NIBAN2: variants seen among roughly 807,000 people sequenced by gnomAD.
NIBAN2 encodes protein Niban 2.
Under a neutral mutation model 81.8 loss-of-function variants are expected in NIBAN2, and 36 were observed. That is an observed-to-expected ratio of 0.44 (90% CI 0.34 to 0.58). The LOEUF (loss-of-function observed/expected upper bound fraction) is 0.58, where lower values mean the gene tolerates loss of function less well. Among genes scored for constraint, NIBAN2 ranks in the 20% least tolerant of loss-of-function variants. The pLI is 0.02. For missense variants in NIBAN2, 897 were observed against 1,014.1 expected, an observed-to-expected ratio of 0.88 and a Z score of 1.57; for synonymous variants, 445 against 441.6, an observed-to-expected ratio of 1.01 and a Z score of -0.10.
chr9:127,514,370 A>AT (rs768512249), intron 8 of NIBAN2, among the ~76,000 whole-genome samples: 18 of 152,150 alleles, frequency 1.2e-4, no homozygotes, highest in Non-Finnish European at 2.5e-4. Flanking sequence ...TGATGTGACT[A>AT]TTACACATTG....
chr9:127,510,396 A>G, intron 8 of NIBAN2, 63 bp from the exon 9 acceptor site: 1 of 1,308,272 alleles, frequency 7.6e-7, no homozygotes, highest in Non-Finnish European at 1.1e-6. Flanking sequence ...GCCATCCCAG[A>G]GCCCAGGTGC....
At position 127,559,483 on chromosome 9, in the gene NIBAN2, G is replaced by C. The variant is rs1270952213; in HGVS notation, c.55+9337C>G. Among the ~76,000 whole-genome samples, 2 of 152,220 alleles carry C rather than the reference G, an allele frequency of 1.3e-5. No individual in the cohort carries two copies. The highest frequency in any genetic ancestry group is 2.9e-5 in the Non-Finnish European group (2 of 68,032). Reference sequence around the variant, plus strand: ...CCTGCCTCCTAGCCCGCACCCACCAGTGGTTCCTGGCAGGTGGAATAAATC... The same window carrying C: ...CCTGCCTCCTAGCCCGCACCCACCACTGGTTCCTGGCAGGTGGAATAAATC... On this transcript the variant is annotated intron_variant, in intron 1 of 13. Coordinates refer to ENST00000373312, the MANE Select transcript of NIBAN2 (RefSeq NM_022833.4). This position sits in a 1 kb window ranked among gnomAD's most constrained non-coding sequence, Gnocchi z 4.0.
intron 1 of NIBAN2, among the ~76,000 whole-genome samples, chr9:127,565,530 C>T (rs1588191590): frequency 1.3e-5 from 2 of 151,922 alleles, no homozygotes; most frequent in South Asian, 2.1e-4. Flanking sequence ...TGGTGGCTCA[C>T]GCCTATAATC....
intron 1 of NIBAN2, among the ~76,000 whole-genome samples, chr9:127,552,689 T>TTG (rs1554768659): frequency 1.4e-5 from 2 of 138,672 alleles, no homozygotes; most frequent in African/African-American, 2.7e-5. Flanking sequence ...TATTCGTTTT[T>TTG]TTTTTTTTTT....
chr9:127,508,397 C>A lies in NIBAN2; in HGVS notation c.1434+25G>T. ...GGGCTCGGCCTCGCCTAGGACGGTCCGGGGCAGGGCGTGGGGCCGCTCACC... is the reference window on the plus strand; with the variant it reads ...GGGCTCGGCCTCGCCTAGGACGGTCAGGGGCAGGGCGTGGGGCCGCTCACC... On this transcript the variant is annotated intron_variant, in intron 11 of 13. Coordinates refer to ENST00000373312, the MANE Select transcript of NIBAN2 (RefSeq NM_022833.4). This position sits in a 1 kb window ranked among gnomAD's most constrained non-coding sequence, Gnocchi z 6.4. 6.3e-7 allele frequency: 1 copy of A among 1,580,070 alleles called. No individual in the cohort carries two copies. The highest frequency in any genetic ancestry group is 2.2e-5 in the East Asian group (1 of 44,718).
intron 5 of NIBAN2, among the ~76,000 whole-genome samples, chr9:127,521,889 C>T (rs1273785171): frequency 6.6e-6 from 1 of 152,254 alleles, no homozygotes; most frequent in African/African-American, 2.4e-5. Flanking sequence ...CAGACCAGCT[C>T]TTCCCAATCA....
In NIBAN2 at chr9:127,549,397, ACACT is replaced by A. The variant is rs199769880; in HGVS notation, c.56-17623_56-17620del. Among the ~76,000 whole-genome samples the A allele has an allele frequency of 7.1e-3, 1,084 of 151,864 alleles. 16 individuals carry two copies. The highest frequency in any genetic ancestry group is 0.024 in the African/African-American group (998 of 41,368). On this transcript the variant is annotated intron_variant, in intron 1 of 13. Coordinates refer to ENST00000373312, the MANE Select transcript of NIBAN2 (RefSeq NM_022833.4). The stretch of plus-strand genomic sequence containing the variant: ...CATGTGCATGCACATGCACGCACAC[ACACT>A]CACATGCACGCCCACACGCATGCAC...
At chr9:127,562,840 C>T (rs1481219283) in intron 1 of NIBAN2, among the ~76,000 whole-genome samples, 1 of 152,140 alleles carries the variant, frequency 6.6e-6, no homozygotes, top group Non-Finnish European at 1.5e-5. Context: ...CCTCTGTCCT[C>T]AAATGGAATA....
intron 9 of NIBAN2, 32 bp from the exon 10 acceptor site, chr9:127,509,163 G>A (rs1418432172): frequency 6.3e-7 from 1 of 1,579,762 alleles, no homozygotes; most frequent in Admixed American, 1.7e-5. Flanking sequence ...GGGCTGAGCA[G>A]GGCCGCCCTG....
chr9:127,578,939 C>A (rs1838042106), exon 1 of NIBAN2: 1 of 1,610,530 alleles, frequency 6.2e-7, no homozygotes, highest in African/African-American at 1.3e-5. Context: ...CCACCCCATC[C>A]TCCAGAGTGA....
chr9:127,521,752 A>G (rs922813197), intron 5 of NIBAN2, among the ~76,000 whole-genome samples: 4 of 152,118 alleles, frequency 2.6e-5, no homozygotes. Flanking sequence ...ACACCCCTTC[A>G]TTCCCTGGCC....
At chr9:127,575,793 T>C (rs1039423056) in intron 1 of NIBAN2, among the ~76,000 whole-genome samples, 4 of 152,068 alleles carry the variant, frequency 2.6e-5, no homozygotes, top group Non-Finnish European at 4.4e-5. Flanking sequence ...GCTCCCACAG[T>C]GCTGGGATTA....
intron 1 of NIBAN2, among the ~76,000 whole-genome samples, chr9:127,543,665 G>A (rs549104308): frequency 2.0e-5 from 3 of 152,106 alleles, no homozygotes; most frequent in Admixed American, 6.5e-5. Flanking sequence ...GGCGTCTCTC[G>A]CCTCCATTAC....
At chr9:127,520,847 G>A (rs1010627462) in intron 5 of NIBAN2, among the ~76,000 whole-genome samples, 6 of 152,062 alleles carry the variant, frequency 3.9e-5, no homozygotes, top group Non-Finnish European at 7.4e-5. Flanking sequence ...TTGCGCCACT[G>A]CACTCCAGCC....
At position 127,555,758 on chromosome 9, in the gene NIBAN2, C is replaced by T. The variant is rs573536262; in HGVS notation, c.55+13062G>A. Among the ~76,000 whole-genome samples, 5 of 152,336 alleles carry T rather than the reference C, an allele frequency of 3.3e-5. No individual in the cohort carries two copies. The East Asian group carries it at 7.7e-4, about 23-fold the overall frequency. On this transcript the variant is annotated intron_variant, in intron 1 of 13. Transcript: ENST00000373312. ...GCACTGCTGGGGAGATCCCAGGACA[C>T]GTGAGCTCCCAGGGAAGAGTGGCCA...
At chr9:127,556,000 C>T (rs1837661979) in intron 1 of NIBAN2, among the ~76,000 whole-genome samples, 2 of 151,748 alleles carry the variant, frequency 1.3e-5, no homozygotes, top group African/African-American at 2.4e-5. Flanking sequence ...AGTGGGGCCA[C>T]CAGGACCAGG....
chr9:127,549,355 CCA>C (rs1352222985), intron 1 of NIBAN2, among the ~76,000 whole-genome samples: 1 of 152,050 alleles, frequency 6.6e-6, no homozygotes, highest in Non-Finnish European at 1.5e-5. Flanking sequence ...CACATGCATG[CCA>C]CACACATGCA....
intron 1 of NIBAN2, among the ~76,000 whole-genome samples, chr9:127,541,076 A>G (rs115656628): frequency 9.1e-4 from 139 of 152,276 alleles, no homozygotes; most frequent in African/African-American, 3.2e-3. Flanking sequence ...GGACCAGCAG[A>G]GGCAGAGTCG....
At chr9:127,543,154 GA>G (rs1837412085) in intron 1 of NIBAN2, among the ~76,000 whole-genome samples, 1 of 152,226 alleles carries the variant, frequency 6.6e-6, no homozygotes, top group African/African-American at 2.4e-5. Context: ...TCCAGTGCGA[GA>G]TCATTCTCGA....
Sources: gnomAD v4.1 joint callset for allele counts (sites outside exome capture counted in the v4.1 genomes callset) on GRCh38, gnomAD v4.1.1 for gene constraint, Gnocchi (gnomAD v3.1) non-coding constraint, MANE v1.5 for transcripts, NCBI Gene and HGNC (gene_info 2026-07-23, HGNC 2026-07-21) for gene names.